Variants in ATXN3 observed in about 807,000 individuals in gnomAD.
The protein encoded by ATXN3 is ataxin 3.
ATXN3 carries 28 observed loss-of-function variants against 58.2 expected under a neutral mutation model. The observed-to-expected ratio is 0.48, with a 90% CI of 0.36 to 0.66. ATXN3 has a LOEUF of 0.66. Ranked by LOEUF, ATXN3 falls within the 30% of genes least tolerant of loss-of-function variation. ATXN3 has a pLI of 0.00. For synonymous variants in ATXN3, 113 were observed against 138.5 expected (o/e 0.82, Z 1.29); for missense variants, 321 against 422.1 (o/e 0.76, Z 2.10).
chr14:92,077,241 A>G (rs1233675850), intron 9 of ATXN3, among the ~76,000 whole-genome samples: 1 of 152,240 alleles, frequency 6.6e-6, no homozygotes, highest in Non-Finnish European at 1.5e-5. Context: ...AAGACTATTT[A>G]CTGTCATAGG....
At chr14:92,097,212 C>A (rs528076299) in intron 1 of ATXN3, among the ~76,000 whole-genome samples, 1 of 149,568 alleles carries the variant, frequency 6.7e-6, no homozygotes, top group Non-Finnish European at 1.5e-5. Flanking sequence ...CCCGGCTCCC[C>A]TAAATAATTT....
At chr14:92,082,513 T>C (rs573110705) in intron 7 of ATXN3, 47 bp from the exon 8 acceptor site, 88 of 1,528,130 alleles carry the variant, frequency 5.8e-5, no homozygotes, top group Middle Eastern at 1.7e-4. Context: ...TCTTCTATTT[T>C]AGACATAACA....
intron 5 of ATXN3, among the ~76,000 whole-genome samples, chr14:92,092,539 C>T (rs1464239992): frequency 2.0e-5 from 3 of 152,164 alleles, no homozygotes; most frequent in Admixed American, 6.6e-5. Context: ...ATGCTTGACA[C>T]TATTTCAGGC....
chr14:92,100,085 C>A (rs2066421168), intron 1 of ATXN3, among the ~76,000 whole-genome samples: 1 of 152,042 alleles, frequency 6.6e-6, no homozygotes, highest in South Asian at 2.1e-4. Context: ...AAATTAAAAC[C>A]ACAATGTGTT....
At chr14:92,071,756 C>T (rs2059493175) in intron 9 of ATXN3, among the ~76,000 whole-genome samples, 1 of 152,152 alleles carries the variant, frequency 6.6e-6, no homozygotes, top group African/African-American at 2.4e-5. Context: ...TGTGAGTTAA[C>T]ATAATGTTTC....
chr14:92,086,565 C>CAAAA (rs138766948), intron 6 of ATXN3, among the ~76,000 whole-genome samples: 1 of 98,404 alleles, frequency 1.0e-5, no homozygotes, highest in Non-Finnish European at 2.0e-5. Flanking sequence ...AACTCCATCT[C>CAAAA]AAAAAAAAAA....
chr14:92,075,528 A>G (rs559621772), intron 9 of ATXN3, among the ~76,000 whole-genome samples: 126 of 152,306 alleles, frequency 8.3e-4, no homozygotes, highest in African/African-American at 2.9e-3. Flanking sequence ...CAATTACTTT[A>G]TGATTTTCTT....
In ATXN3 at chr14:92,071,010, C is replaced by CTGCTGTTGCTGCTG; in HGVS notation, c.915_916insCAGCAGCAACAGCA (p.Gly306GlnfsTer30). 1 of 1,454,922 alleles carries CTGCTGTTGCTGCTG rather than the reference C, an allele frequency of 6.9e-7. No individual in the cohort carries two copies. The highest frequency in any genetic ancestry group is 9.4e-7 in the Non-Finnish European group (1 of 1,061,912). The allele number at this position is 1,454,922 out of a possible 1,614,324, so 90.1% of individuals were successfully genotyped here. A position where few individuals can be genotyped will look rare whatever the true frequency, so the allele number is the denominator to read the frequency against. ...TGTGAACTCTGTCCTGATAGGTCCC[C>CTGCTGTTGCTGCTG]CTGCTGCTGCTGCTGCTGCTGCTGT... On this transcript the variant is annotated frameshift_variant, in exon 10 of 11. Coordinates refer to ENST00000644486, the MANE Select transcript of ATXN3 (RefSeq NM_004993.6). LOFTEE classifies it high-confidence loss of function.
chr14:92,097,822 G>A (rs1438822599), intron 1 of ATXN3, among the ~76,000 whole-genome samples: 1 of 152,036 alleles, frequency 6.6e-6, no homozygotes, highest in Non-Finnish European at 1.5e-5. Flanking sequence ...ACCCTGCCAG[G>A]CCCCTACTAT....
At chr14:92,083,333 A>T in intron 6 of ATXN3, 75 bp from the exon 7 acceptor site, 1 of 1,387,412 alleles carries the variant, frequency 7.2e-7, no homozygotes, top group South Asian at 1.3e-5. Flanking sequence ...ACTAGTAGAT[A>T]AAAAGGCAGC....
intron 9 of ATXN3, among the ~76,000 whole-genome samples, chr14:92,080,053 A>T (rs895271241): frequency 2.0e-5 from 3 of 149,704 alleles, no homozygotes; most frequent in East Asian, 1.9e-4. Context: ...TTTTTCTTTA[A>T]AAAAAAAAAG....
At chr14:92,084,230 CT>C (rs2061968979) in intron 6 of ATXN3, among the ~76,000 whole-genome samples, 1 of 152,134 alleles carries the variant, frequency 6.6e-6, no homozygotes, top group Non-Finnish European at 1.5e-5. Context: ...CTAGAGAACC[CT>C]AATACACTTA....
At chr14:92,104,503 G>A (rs1192534087) in intron 1 of ATXN3, among the ~76,000 whole-genome samples, 2 of 152,174 alleles carry the variant, frequency 1.3e-5, no homozygotes, top group African/African-American at 4.8e-5. Context: ...CCATGGGTCA[G>A]TACAAATGTG....
upstream of ATXN3, among the ~76,000 whole-genome samples, chr14:92,050,986 G>A (rs1430082630): frequency 6.6e-6 from 1 of 151,588 alleles, no homozygotes. Flanking sequence ...TCAGTTTAAA[G>A]TAGACTTTAA....
chr14:92,106,575 G>A lies in ATXN3; in HGVS notation c.-23C>T, dbSNP rs753922991. 3.1e-6 allele frequency: 5 copies of A among 1,611,700 alleles called. No individual in the cohort carries two copies. The East Asian group carries it at 6.7e-5, about 22-fold the overall frequency. ...CATGTTTATTTGTCTGGAGCCAACGGCCCCCACGCCGAACCACCCCCTCCA... is the reference window on the plus strand; with the variant it reads ...CATGTTTATTTGTCTGGAGCCAACGACCCCCACGCCGAACCACCCCCTCCA... On this transcript the variant is annotated 5_prime_UTR_variant, in exon 1 of 11. Transcript: ENST00000644486.
At position 92,062,265 on chromosome 14, in the gene ATXN3, A is replaced by G. The variant is rs577644529; in HGVS notation, c.*2055T>C. ...TAGCAAGACTCCGTCTCAAAAAAAA[A>G]CAAAAACAAAAACAAAAACTCTCTA... On this transcript the variant is annotated 3_prime_UTR_variant, in exon 11 of 11. Coordinates refer to ENST00000644486, the MANE Select transcript of ATXN3 (RefSeq NM_004993.6). The G allele has an allele frequency of 6.6e-6, 1 of 152,028 alleles. No homozygotes were observed. Among genetic ancestry groups the G allele is most frequent in the African/African-American group, 2.4e-5 (1 of 41,294 alleles). 9.4% of individuals were successfully genotyped at this position (152,028 alleles called of 1,614,324 possible).
intron 6 of ATXN3, among the ~76,000 whole-genome samples, chr14:92,087,587 C>G (rs1489375876): frequency 6.6e-6 from 1 of 152,090 alleles, no homozygotes; most frequent in Non-Finnish European, 1.5e-5. Flanking sequence ...TGTGGTTTAA[C>G]CAGGGTTGAG....
intron 6 of ATXN3, among the ~76,000 whole-genome samples, 191 bp downstream of exon 6, chr14:92,088,539 G>C (rs752062085): frequency 3.3e-5 from 5 of 152,206 alleles, no homozygotes; most frequent in Non-Finnish European, 5.9e-5. Flanking sequence ...CCTCAGAAGA[G>C]GAAGGGCCAG....
chr14:92,094,824 G>C (rs2064784059), intron 3 of ATXN3, among the ~76,000 whole-genome samples: 1 of 152,152 alleles, frequency 6.6e-6, no homozygotes, highest in East Asian at 1.9e-4. Context: ...GCCTACTCTG[G>C]CCTCTGATTT....
Sources: allele counts gnomAD v4.1 joint callset (sites outside exome capture counted in the v4.1 genomes callset), GRCh38; gene constraint gnomAD v4.1.1; transcripts MANE v1.5; gene names NCBI Gene and HGNC (gene_info 2026-07-23, HGNC 2026-07-21).